PUM2: variants seen among roughly 807,000 people sequenced by gnomAD.
The protein encoded by PUM2 is pumilio RNA binding family member 2.
In PUM2, 57 loss-of-function variants were observed where a neutral mutation model predicts 124.5. The ratio of observed to expected loss-of-function variants is 0.46; its 90% CI spans 0.37 to 0.57. The LOEUF (loss-of-function observed/expected upper bound fraction) is 0.57, where lower values mean the gene tolerates loss of function less well. PUM2 is among the 20% of genes least tolerant of loss of function. The pLI is 0.00. For missense variants in PUM2, 1,065 were observed against 1,290.6 expected, an observed-to-expected ratio of 0.83 and a Z score of 2.68; for synonymous variants, 460 against 446.1, an observed-to-expected ratio of 1.03 and a Z score of -0.39.
At chr2:20,294,653 A>T (rs1369343150) in intron 8 of PUM2, 135 bp from the exon 9 acceptor site, 2 of 1,060,014 alleles carry the variant, frequency 1.9e-6, no homozygotes, top group Non-Finnish European at 2.6e-6. Flanking sequence ...AATAAAAGAC[A>T]AAGTATTGAT....
chr2:20,324,519 C>T (rs890067002), intron 2 of PUM2, among the ~76,000 whole-genome samples: 3 of 152,256 alleles, frequency 2.0e-5, no homozygotes, highest in South Asian at 2.1e-4. Flanking sequence ...AGAAACCCAG[C>T]TATATGTGCC....
At chr2:20,303,967 C>T (rs917788579) in intron 7 of PUM2, among the ~76,000 whole-genome samples, 2 of 146,444 alleles carry the variant, frequency 1.4e-5, no homozygotes, top group Non-Finnish European at 3.0e-5. Flanking sequence ...TAGAACTCTG[C>T]GACATGTTTT....
At chr2:20,348,297 T>G (rs1688639537) in intron 1 of PUM2, among the ~76,000 whole-genome samples, 1 of 152,208 alleles carries the variant, frequency 6.6e-6, no homozygotes, top group Non-Finnish European at 1.5e-5. Context: ...AAGCTGTGAT[T>G]GCAGCCATGT....
At chr2:20,254,374 C>T (rs1158798603) in intron 19 of PUM2, among the ~76,000 whole-genome samples, 1 of 152,068 alleles carries the variant, frequency 6.6e-6, no homozygotes, top group Admixed American at 6.5e-5. Flanking sequence ...AGGCTGATCT[C>T]GAATTCCTGG....
Position 20,308,494 on chromosome 2 carries a change from A to T in PUM2, c.609T>A (p.Leu203=), listed in dbSNP as rs1005664930. The change falls in exon 6 of 21, where the codon CTT becomes CTA. Residue 203 remains leucine (L), a synonymous_variant. Transcript: ENST00000361078. ...GTGGTTTATTAGCTGTAGGATTAGG[A>T]AGAGGCCCCAGTCCTTCTGAGGGAT... ...NTNPSEGLGP[L]PNPTANKPLV... The T allele has an allele frequency of 6.2e-7, 1 of 1,614,032 alleles. No individual in the cohort carries two copies. The highest frequency in any genetic ancestry group is 1.3e-5 in the African/African-American group (1 of 74,930).
At chr2:20,270,613 C>T (rs1200826014) in intron 13 of PUM2, among the ~76,000 whole-genome samples, 1 of 152,098 alleles carries the variant, frequency 6.6e-6, no homozygotes, top group Non-Finnish European at 1.5e-5. Flanking sequence ...TTTCATAATG[C>T]AATGTTCTAA....
chr2:20,260,199 A>G (rs1665834741), intron 15 of PUM2, 138 bp downstream of exon 15: 1 of 970,464 alleles, frequency 1.0e-6, no homozygotes, highest in Admixed American at 3.1e-5. Flanking sequence ...TACCGCATAT[A>G]TAATTTGTAA....
chr2:20,342,220 T>C (rs970880479), intron 1 of PUM2, among the ~76,000 whole-genome samples: 1 of 151,970 alleles, frequency 6.6e-6, no homozygotes, highest in Non-Finnish European at 1.5e-5. Context: ...CTGAGACAAC[T>C]GGAGAAAAAT....
chr2:20,323,923 A>G (rs1272723121), intron 2 of PUM2, among the ~76,000 whole-genome samples: 1 of 146,656 alleles, frequency 6.8e-6, no homozygotes, highest in Non-Finnish European at 1.5e-5. Flanking sequence ...AAAAAAAAAA[A>G]AAAAAAAAAA....
chr2:20,307,445 T>C (rs1378078016), intron 7 of PUM2, among the ~76,000 whole-genome samples: 3 of 152,178 alleles, frequency 2.0e-5, no homozygotes, highest in Admixed American at 6.5e-5. Flanking sequence ...CAATATCATA[T>C]TACTGTTTTT....
chr2:20,336,685 G>GTA (rs1335068356), intron 1 of PUM2, among the ~76,000 whole-genome samples: 1 of 132,394 alleles, frequency 7.6e-6, no homozygotes. Context: ...GCTAATTTGT[G>GTA]TGTGTGTGTG....
intron 12 of PUM2, among the ~76,000 whole-genome samples, chr2:20,281,125 A>C (rs1477125636): frequency 1.3e-5 from 2 of 151,652 alleles, no homozygotes; most frequent in African/African-American, 4.9e-5. Flanking sequence ...ACTTGAAAAA[A>C]CTCCCACAAA....
chr2:20,331,018 T>C (rs562479611), intron 1 of PUM2, among the ~76,000 whole-genome samples: 1 of 152,208 alleles, frequency 6.6e-6, no homozygotes, highest in East Asian at 1.9e-4. Flanking sequence ...AAGGGTACAG[T>C]AGGATAAACT....
At chr2:20,297,076 C>T (rs1333432985) in intron 8 of PUM2, among the ~76,000 whole-genome samples, 1 of 152,128 alleles carries the variant, frequency 6.6e-6, no homozygotes, top group African/African-American at 2.4e-5. Flanking sequence ...TTGATCCAAA[C>T]TTTTTGTCCC....
chr2:20,346,484 A>C (rs1381865222), intron 1 of PUM2, among the ~76,000 whole-genome samples: 1 of 152,182 alleles, frequency 6.6e-6, no homozygotes, highest in East Asian at 1.9e-4. Context: ...CTCTCCCTCT[A>C]ACACTCATTT....
At chr2:20,262,930 C>G (rs1168473432) in intron 14 of PUM2, among the ~76,000 whole-genome samples, 1 of 152,084 alleles carries the variant, frequency 6.6e-6, no homozygotes, top group African/African-American at 2.4e-5. Context: ...CCGATGTAAT[C>G]AAAATAATCC....
upstream of PUM2, among the ~76,000 whole-genome samples, chr2:20,351,364 T>G (rs1233717838): frequency 2.6e-5 from 4 of 152,200 alleles, no homozygotes; most frequent in African/African-American, 7.2e-5. Flanking sequence ...GAGATGCATC[T>G]GGGGGTGGAA....
chr2:20,315,645 C>T (rs1680706117), intron 3 of PUM2, among the ~76,000 whole-genome samples: 1 of 151,888 alleles, frequency 6.6e-6, no homozygotes, highest in African/African-American at 2.4e-5. Flanking sequence ...GCTCAAGATG[C>T]TTTGCTTTTC....
rs1349957864 is a variant in PUM2 at position 20,263,811 on chromosome 2, T to C, written c.1958-351A>G. 2.6e-5 allele frequency among the ~76,000 whole-genome samples: 4 copies of C among 152,316 alleles called. No individual in the cohort carries two copies. The East Asian group carries it at 7.7e-4, about 29-fold the overall frequency. ...ACATTAACAAGCAAGTTTAAATTGCTAGCAAACTTACATTTTAAGCCACTG... is the reference window on the plus strand; with the variant it reads ...ACATTAACAAGCAAGTTTAAATTGCCAGCAAACTTACATTTTAAGCCACTG... On this transcript the variant is annotated intron_variant, in intron 13 of 20. Coordinates refer to ENST00000361078, the MANE Select transcript of PUM2 (RefSeq NM_015317.5).
Sources: gnomAD v4.1 joint callset for allele counts (sites outside exome capture counted in the v4.1 genomes callset) on GRCh38, gnomAD v4.1.1 for gene constraint, MANE v1.5 for transcripts, NCBI Gene and HGNC (gene_info 2026-07-23, HGNC 2026-07-21) for gene names.